The following KDM4C variants were observed in gnomAD, a reference collection of about 807,000 sequenced individuals.
KDM4C encodes lysine-specific demethylase 4C.
In KDM4C, 81 loss-of-function variants were observed where a neutral mutation model predicts 129.3. The observed-to-expected ratio is 0.63, with a 90% confidence interval of 0.52 to 0.75. The LOEUF (loss-of-function observed/expected upper bound fraction) is 0.75. KDM4C is among the 30% of genes least tolerant of loss of function. The probability of loss-of-function intolerance (pLI) is 0.00; values close to 1 mark genes in which losing one functional copy is unlikely to be tolerated. For missense variants in KDM4C, 1,457 were observed against 1,304.0 expected (o/e 1.12, Z -1.81); for synonymous variants, 573 against 456.1 (o/e 1.26, Z -3.26).
At chr9:7,140,479 C>T (rs1262854510) in intron 19 of KDM4C, among the ~76,000 whole-genome samples, 2 of 152,184 alleles carry the variant, frequency 1.3e-5, no homozygotes, top group South Asian at 4.1e-4. Context: ...CTCAAGTCCT[C>T]TTTCTTCTTA....
At chr9:6,751,274 C>T (rs1037518235) in intron 1 of KDM4C, among the ~76,000 whole-genome samples, 9 of 151,986 alleles carry the variant, frequency 5.9e-5, no homozygotes, top group African/African-American at 1.7e-4. Flanking sequence ...GGCAAAACCC[C>T]GTCTCTACAA....
At position 6,927,089 on chromosome 9, in the gene KDM4C, T is replaced by TTCTTTCTATCTATCTA. The variant is rs147161681; in HGVS notation, c.921+33860_921+33861insTTCTATCTATCTATCT. 8.9e-3 allele frequency among the ~76,000 whole-genome samples: 1,296 copies of TTCTTTCTATCTATCTA among 145,188 alleles called. 20 individuals are homozygous for TTCTTTCTATCTATCTA. The highest frequency in any genetic ancestry group is 0.012 in the South Asian group (55 of 4,444). On this transcript the variant is annotated intron_variant, in intron 8 of 21. Coordinates refer to ENST00000381309, the MANE Select transcript of KDM4C (RefSeq NM_015061.6). ...AGATTCTATCCTTTCAAAAAAAATTTTCTATCTATCTATCTATCTATCTAT... is the reference window on the plus strand; with the variant it reads ...AGATTCTATCCTTTCAAAAAAAATTTTCTTTCTATCTATCTATCTATCTATCTATCTATCTATCTAT...
intron 17 of KDM4C, among the ~76,000 whole-genome samples, chr9:7,068,070 A>G (rs1282233852): frequency 1.3e-5 from 2 of 152,188 alleles, no homozygotes; most frequent in African/African-American, 4.8e-5. Flanking sequence ...TGCTGGGATT[A>G]CAGGCGTGAG....
chr9:7,065,915 G>T (rs1369482086), intron 17 of KDM4C, among the ~76,000 whole-genome samples: 1 of 151,632 alleles, frequency 6.6e-6, no homozygotes, highest in African/African-American at 2.4e-5. Flanking sequence ...TGATCCGCAG[G>T]TCTTTTCCTA....
At chr9:6,906,041 G>A (rs896259936) in intron 8 of KDM4C, among the ~76,000 whole-genome samples, 3 of 152,080 alleles carry the variant, frequency 2.0e-5, no homozygotes, top group African/African-American at 4.8e-5. Flanking sequence ...GCTACTTACC[G>A]AGAAAATTGG....
intron 5 of KDM4C, among the ~76,000 whole-genome samples, chr9:6,873,670 C>G (rs1843114779): frequency 6.6e-6 from 1 of 152,182 alleles, no homozygotes; most frequent in South Asian, 2.1e-4. Flanking sequence ...CTGGTTTGAT[C>G]TTATGTCCAG....
chr9:6,975,133 A>C (rs1041898786), intron 8 of KDM4C, among the ~76,000 whole-genome samples: 1 of 152,210 alleles, frequency 6.6e-6, no homozygotes, highest in African/African-American at 2.4e-5. Context: ...GCCTTACTTT[A>C]TAAGGGAGAC....
chr9:6,808,704 A>G (rs1830590902), intron 3 of KDM4C, among the ~76,000 whole-genome samples: 1 of 151,286 alleles, frequency 6.6e-6, no homozygotes, highest in Non-Finnish European at 1.5e-5. Context: ...AAAAAAAAAA[A>G]AAAAAAGAAG....
chr9:6,884,391 A>C lies in KDM4C; in HGVS notation c.680-3569A>C, dbSNP rs1468241661. The stretch of plus-strand genomic sequence containing the variant: ...GCTTGCCAAGAAATTTCATGTGTAA[A>C]TCAAATACAGTACATCTGTTTCTGA... On this transcript the variant is annotated intron_variant, in intron 6 of 21. Coordinates refer to ENST00000381309, the MANE Select transcript of KDM4C (RefSeq NM_015061.6). Among the ~76,000 whole-genome samples the C allele has an allele frequency of 3.3e-5, 5 of 152,210 alleles. No homozygotes were observed. In the East Asian group the frequency reaches 9.6e-4, roughly 29 times the overall value.
At chr9:6,801,393 C>T (rs1278281970) in intron 2 of KDM4C, among the ~76,000 whole-genome samples, 5 of 151,380 alleles carry the variant, frequency 3.3e-5, no homozygotes, top group African/African-American at 1.2e-4. Context: ...GCCACCATGC[C>T]CGGCTAATTT....
chr9:7,100,291 G>C (rs1836920648), intron 17 of KDM4C, among the ~76,000 whole-genome samples: 1 of 152,102 alleles, frequency 6.6e-6, no homozygotes. Flanking sequence ...ACATTAACTA[G>C]CCTACCTAAC....
At chr9:6,908,113 T>A (rs1211930489) in intron 8 of KDM4C, among the ~76,000 whole-genome samples, 7 of 152,190 alleles carry the variant, frequency 4.6e-5, no homozygotes, top group Non-Finnish European at 1.0e-4. Flanking sequence ...GAAGAGAAGA[T>A]GATAAAAATG....
chr9:6,958,856 C>G (rs12686116), intron 8 of KDM4C, among the ~76,000 whole-genome samples: 38,294 of 151,790 alleles, frequency 0.25, 5,494 homozygotes, highest in South Asian at 0.42. Flanking sequence ...TTCATAGATG[C>G]AAGCTGGTCT....
chr9:6,752,853 T>C (rs1818118775), upstream of KDM4C, among the ~76,000 whole-genome samples: 1 of 152,168 alleles, frequency 6.6e-6, no homozygotes. Context: ...TCTGTGTTCC[T>C]CAATGAAGAT....
chr9:6,811,232 C>A (rs1831086905), intron 3 of KDM4C, among the ~76,000 whole-genome samples: 1 of 152,150 alleles, frequency 6.6e-6, no homozygotes, highest in Non-Finnish European at 1.5e-5. Context: ...CGGCTCACTG[C>A]AACCTCCGCC....
intron 5 of KDM4C, among the ~76,000 whole-genome samples, chr9:6,850,021 A>T (rs991154398): frequency 6.6e-6 from 1 of 152,232 alleles, no homozygotes; most frequent in South Asian, 2.1e-4. Flanking sequence ...TAGCTAAATG[A>T]ATACTTTGTA....
intron 17 of KDM4C, among the ~76,000 whole-genome samples, chr9:7,071,161 A>G (rs1833141483): frequency 6.6e-6 from 1 of 152,216 alleles, no homozygotes; most frequent in African/African-American, 2.4e-5. Context: ...AAGGAAATCA[A>G]AGAATAGCTA....
In KDM4C at chr9:7,013,946, G is replaced by C. The variant is rs36060681; in HGVS notation, c.2127G>C (p.Glu709Asp). The C allele has an allele frequency of 2.0e-3, 3,221 of 1,613,986 alleles. 39 individuals carry two copies. The African/African-American group carries it at 0.03, about 15-fold the overall frequency. Reference sequence around the variant, plus strand: ...CTCCACCCAATGCCTTCCTTGAAGAGGATGGAACAAGTCTCCTTATTTCCT... The same window carrying C: ...CTCCACCCAATGCCTTCCTTGAAGACGATGGAACAAGTCTCCTTATTTCCT... ...EYSPPNAFLE[E>D]DGTSLLISCA... The change falls in exon 14 of 22, where the codon GAG becomes GAC. Residue 709 changes from glutamate (E) to aspartate (D), a missense_variant. Transcript: ENST00000381309.
intron 1 of KDM4C, among the ~76,000 whole-genome samples, chr9:6,732,416 G>T (rs1023800365): frequency 2.9e-5 from 4 of 135,666 alleles, no homozygotes; most frequent in South Asian, 5.2e-4. Context: ...GAGGCCGGAA[G>T]TTGTGGCTCA....
Sources: allele counts gnomAD v4.1 joint callset (sites outside exome capture counted in the v4.1 genomes callset), GRCh38; gene constraint gnomAD v4.1.1; transcripts MANE v1.5; gene names NCBI Gene and HGNC (gene_info 2026-07-23, HGNC 2026-07-21).